PIK3C2B: variants seen among roughly 807,000 people sequenced by gnomAD.
PIK3C2B encodes phosphatidylinositol 4-phosphate 3-kinase C2 domain-containing subunit beta.
A neutral mutation model predicts 184.3 loss-of-function variants in PIK3C2B; 83 were observed. The observed-to-expected ratio is 0.45, with a 90% confidence interval of 0.38 to 0.54. The LOEUF (loss-of-function observed/expected upper bound fraction) is 0.54. Among genes scored for constraint, PIK3C2B ranks in the 20% least tolerant of loss-of-function variants. The pLI is 0.00. For missense variants in PIK3C2B, 1,736 were observed against 2,113.5 expected (o/e 0.82, Z 3.50); for synonymous variants, 779 against 837.6 (o/e 0.93, Z 1.21).
chr1:204,425,520 C>A (rs1190351774), intron 32 of PIK3C2B, 93 bp downstream of exon 32: 4 of 1,374,998 alleles, frequency 2.9e-6, no homozygotes, highest in Non-Finnish European at 4.1e-6. Context: ...GTTCTTAATA[C>A]AACATCTTAA....
rs146986563 is a variant in PIK3C2B, at chr1:204,469,559, G to A, written c.244C>T (p.Arg82Cys). 2.1e-5 allele frequency: 34 copies of A among 1,594,636 alleles called. No homozygotes were observed. The African/African-American group carries it at 2.5e-4, about 12-fold the overall frequency. ...AGRRTDLKLL[R>C]GLSGSDPTLN... ...GTAGGATCAGAGCCAGAGAGACCGC[G>A]TAACAGCTTGAGGTCGGTCCGCCTT... Residue 82 changes from arginine (R) to cysteine (C), a missense_variant, in exon 2 of 33, where the codon CGC (arginine) becomes TGC (cysteine). By Grantham distance (180) the Arg-to-Cys change is radical (BLOSUM62 -3). Around this residue, in one of 8 missense-constraint regions of PIK3C2B, gnomAD observed 404 missense variants for 418.0 expected, o/e 0.97. Coordinates refer to ENST00000684373, the MANE Select transcript of PIK3C2B (RefSeq NM_001377334.1).
Position 204,457,864 on chromosome 1 carries a change from G to A in PIK3C2B, c.1577C>T (p.Pro526Leu). The part of the protein sequence containing the change: ...DAFLLADGDF[P>L]LKADRVVQSV... Reference sequence around the variant, plus strand: ...CTGGACCACCCTGTCAGCCTTCAGTGGGAAGTCTCCCTGTGGGAGGTGGCA... The same window carrying A: ...CTGGACCACCCTGTCAGCCTTCAGTAGGAAGTCTCCCTGTGGGAGGTGGCA... The change falls in exon 9 of 33, where the codon CCA (proline) becomes CTA (leucine). Residue 526 changes from proline (P) to leucine (L), a missense_variant. Around this residue, in one of 8 missense-constraint regions of PIK3C2B, gnomAD observed 609 missense variants for 699.2 expected, o/e 0.87. Coordinates refer to ENST00000684373, the MANE Select transcript of PIK3C2B (RefSeq NM_001377334.1). The A allele has an allele frequency of 6.2e-7, 1 of 1,612,718 alleles. No homozygotes were observed.
chr1:204,486,745 CTTAT>C (rs1657628890), intron 1 of PIK3C2B, among the ~76,000 whole-genome samples: 2 of 152,148 alleles, frequency 1.3e-5, no homozygotes, highest in Non-Finnish European at 1.5e-5. Flanking sequence ...AAGATTACCT[CTTAT>C]TTATTTATTA....
chr1:204,431,624 C>T, intron 28 of PIK3C2B, 45 bp downstream of exon 28: 2 of 1,612,072 alleles, frequency 1.2e-6, no homozygotes, highest in Non-Finnish European at 1.7e-6. Flanking sequence ...TATCCTTTCC[C>T]CCTCCCCGAC....
chr1:204,471,963 AT>A (rs34887718), intron 1 of PIK3C2B, among the ~76,000 whole-genome samples: 6,730 of 151,338 alleles, frequency 0.044, 316 homozygotes, highest in African/African-American at 0.12. Context: ...CAAAATATTG[AT>A]TTTTTTTTTT....
chr1:204,489,910 G>C (rs540367887), intron 1 of PIK3C2B: 26 of 394,678 alleles, frequency 6.6e-5, no homozygotes, highest in African/African-American at 5.3e-4. Context: ...TATAACTTAC[G>C]GTTTGCTGCA....
intron 1 of PIK3C2B, among the ~76,000 whole-genome samples, chr1:204,492,580 G>C (rs1030674681): frequency 2.6e-5 from 4 of 152,118 alleles, no homozygotes; most frequent in African/African-American, 9.7e-5. Flanking sequence ...GGGGACCAAA[G>C]GCCCACGAGG....
Position 204,424,945 on chromosome 1 carries a change from G to A in PIK3C2B, c.4812C>T (p.Leu1604=), listed in dbSNP as rs61758019. 1,092 of 1,614,170 alleles carry A rather than the reference G, an allele frequency of 6.8e-4. 11 individuals carry two copies. In the African/African-American group the frequency reaches 0.012, roughly 18 times the overall value. ...SEQGFWENVL[L]GEVNIRLREL... is the part of the protein sequence containing the mutation. ...CTCGCAGGCGGATGTTCACCTCACC[G>A]AGGAGGACGTTCTCCCAGAATCCCT... The change falls in exon 33 of 33, where the codon CTC becomes CTT. Residue 1604 remains leucine (L), a synonymous_variant. Transcript: ENST00000684373.
chr1:204,473,935 C>T (rs1656492268), intron 1 of PIK3C2B, among the ~76,000 whole-genome samples: 1 of 152,036 alleles, frequency 6.6e-6, no homozygotes, highest in African/African-American at 2.4e-5. Flanking sequence ...AAACATGCTT[C>T]ACCTAATCTT....
Position 204,447,741 on chromosome 1 carries a change from C to T in PIK3C2B, c.2347-163G>A, listed in dbSNP as rs1347672772. Among the ~76,000 whole-genome samples, 2 of 152,136 alleles carry T rather than the reference C, an allele frequency of 1.3e-5. No individual in the cohort carries two copies. The highest frequency in any genetic ancestry group is 2.9e-5 in the Non-Finnish European group (2 of 68,016). ...GACTTGGTGATCTCTAAAGTCCTTT[C>T]CAGCTATAACTCTCAGCAAAAAATG... On this transcript the variant is annotated intron_variant, in intron 14 of 32. Coordinates refer to ENST00000684373, the MANE Select transcript of PIK3C2B (RefSeq NM_001377334.1). This position sits in a 1 kb window ranked among gnomAD's most constrained non-coding sequence, Gnocchi z 4.1.
chr1:204,433,765 G>A lies in PIK3C2B; in HGVS notation c.3843+28C>T. 1.9e-6 allele frequency: 3 copies of A among 1,601,340 alleles called. No homozygotes were observed. Among genetic ancestry groups the A allele is most frequent in the African/African-American group, 1.3e-5 (1 of 74,704 alleles). On this transcript the variant is annotated intron_variant, in intron 25 of 32. Coordinates refer to ENST00000684373, the MANE Select transcript of PIK3C2B (RefSeq NM_001377334.1). The surrounding 1 kb of genome is among the most constrained non-coding windows in gnomAD (Gnocchi z 5.0). ...GATGATGCCAGATAATAAGAAGAAGGTATTCGGAAAGGGATGGAGCTCCTC... is the reference window on the plus strand; with the variant it reads ...GATGATGCCAGATAATAAGAAGAAGATATTCGGAAAGGGATGGAGCTCCTC...
chr1:204,445,841 T>C, intron 16 of PIK3C2B, 115 bp downstream of exon 16: 1 of 591,948 alleles, frequency 1.7e-6, no homozygotes, highest in Non-Finnish European at 2.8e-6. Context: ...AATCCCTGAA[T>C]ATCCACACCC....
intron 23 of PIK3C2B, among the ~76,000 whole-genome samples, chr1:204,437,238 T>C (rs539658192): frequency 6.6e-6 from 1 of 152,068 alleles, no homozygotes; most frequent in Admixed American, 6.5e-5. Context: ...CTCATGCCTG[T>C]AATCCCAGCA....
chr1:204,482,317 C>T (rs763003688), intron 1 of PIK3C2B, among the ~76,000 whole-genome samples: 5 of 152,202 alleles, frequency 3.3e-5, no homozygotes, highest in Non-Finnish European at 4.4e-5. Flanking sequence ...CAGGTGGCCA[C>T]GGTCCTCTGC....
intron 23 of PIK3C2B, chr1:204,435,887 A>C (rs754250078): frequency 1.3e-5 from 2 of 152,228 alleles, no homozygotes; most frequent in Non-Finnish European, 2.9e-5. Flanking sequence ...CTTAGAAAGT[A>C]AAATAAATGA....
intron 5 of PIK3C2B, among the ~76,000 whole-genome samples, chr1:204,463,687 T>C (rs1162445328): frequency 6.6e-6 from 1 of 151,972 alleles, no homozygotes. Flanking sequence ...GCACTACCCA[T>C]ATAGTCTCCC....
In PIK3C2B at chr1:204,449,742, A is replaced by G. The variant is rs957372957; in HGVS notation, c.2234+108T>C. The G allele has an allele frequency of 4.4e-5, 45 of 1,013,810 alleles. 1 individual carries two copies. Among genetic ancestry groups the G allele is most frequent in the East Asian group, 5.2e-5 (2 of 38,766 alleles). The allele number at this position is 1,013,810 out of a possible 1,614,324, so 62.8% of individuals were successfully genotyped here. A position where few individuals can be genotyped will look rare whatever the true frequency, so the allele number is the denominator to read the frequency against. On this transcript the variant is annotated intron_variant, in intron 13 of 32. Coordinates refer to ENST00000684373, the MANE Select transcript of PIK3C2B (RefSeq NM_001377334.1). ...TCTGGACTTCACCAGTGAGCCCCACATGGCCAACTCTCCCAAGGCGCACTG... is the reference window on the plus strand; with the variant it reads ...TCTGGACTTCACCAGTGAGCCCCACGTGGCCAACTCTCCCAAGGCGCACTG...
At chr1:204,475,769 C>G (rs946131995) in intron 1 of PIK3C2B, among the ~76,000 whole-genome samples, 3 of 152,162 alleles carry the variant, frequency 2.0e-5, no homozygotes, top group Admixed American at 6.5e-5. Context: ...GTTCCTGAAG[C>G]TCTTCCCAGA....
chr1:204,426,314 C>T (rs1470254947), intron 31 of PIK3C2B, among the ~76,000 whole-genome samples: 13 of 152,248 alleles, frequency 8.5e-5, no homozygotes, highest in South Asian at 2.1e-4. Flanking sequence ...CCACTCCTCT[C>T]GACTTTGCTC....
Sources: gnomAD v4.1 joint callset for allele counts (sites outside exome capture counted in the v4.1 genomes callset) on GRCh38, gnomAD v4.1.1 for gene constraint, gnomAD v4.1.1 regional missense constraint, Gnocchi (gnomAD v3.1) non-coding constraint, MANE v1.5 for transcripts, NCBI Gene and HGNC (gene_info 2026-07-23, HGNC 2026-07-21) for gene names.